TOX: variants seen among roughly 807,000 people sequenced by gnomAD.
TOX encodes thymocyte selection-associated high mobility group box protein TOX.
Under a neutral mutation model 53.7 loss-of-function variants are expected in TOX, and 11 were observed. The observed-to-expected ratio is 0.20, with a 90% CI of 0.13 to 0.34. The LOEUF (loss-of-function observed/expected upper bound fraction) is 0.34. Ranked by LOEUF, TOX falls within the 10% of genes least tolerant of loss-of-function variation. The pLI, the probability that TOX is intolerant of heterozygous loss-of-function variation, is 1.00. For synonymous variants in TOX, 225 were observed against 245.3 expected, an observed-to-expected ratio of 0.92 and a Z score of 0.77; for missense variants, 570 against 664.6, an observed-to-expected ratio of 0.86 and a Z score of 1.56.
chr8:58,921,306 T>G (rs1812071180), intron 3 of TOX, among the ~76,000 whole-genome samples: 1 of 152,218 alleles, frequency 6.6e-6, no homozygotes. Flanking sequence ...TCAAGTTACA[T>G]AAAAATCCAT....
chr8:58,810,758 A>G lies in TOX; in HGVS notation c.1393-2489T>C, dbSNP rs189619090. Among the ~76,000 whole-genome samples the G allele has an allele frequency of 1.1e-3, 174 of 152,290 alleles. 1 individual carries two copies. The highest frequency in any genetic ancestry group is 4.1e-3 in the African/African-American group (169 of 41,546). On this transcript the variant is annotated intron_variant, in intron 7 of 8. Transcript: ENST00000361421. ...TTGACTTAGTTGACAGCGTGGAAAC[A>G]TATGAAAAAGCAAAACACAAGCACA...
rs565596682 is a variant in TOX, at chr8:59,100,735, T to C, written c.102+18151A>G. Among the ~76,000 whole-genome samples, 4 of 152,314 alleles carry C rather than the reference T, an allele frequency of 2.6e-5. No homozygotes were observed. In the South Asian group the frequency reaches 6.2e-4, roughly 24 times the overall value. On this transcript the variant is annotated intron_variant, in intron 1 of 8. Transcript: ENST00000361421. ...ACAAAATGAACACGGATTATTTGACTATTCTAAAAATATCCTGAGCTTATG... is the reference window on the plus strand; with the variant it reads ...ACAAAATGAACACGGATTATTTGACCATTCTAAAAATATCCTGAGCTTATG...
chr8:58,951,741 C>T (rs1456812978), intron 2 of TOX, among the ~76,000 whole-genome samples: 1 of 152,120 alleles, frequency 6.6e-6, no homozygotes, highest in African/African-American at 2.4e-5. Context: ...CATCGGAACC[C>T]TTGGGAATTT....
intron 3 of TOX, among the ~76,000 whole-genome samples, chr8:58,865,827 C>CTTTTTTTTT (rs768072284): frequency 4.4e-5 from 4 of 91,304 alleles, no homozygotes; most frequent in Admixed American, 1.3e-4. Flanking sequence ...ATGACAGTGG[C>CTTTTTTTTT]TTTTTTTTTT....
chr8:58,807,693 A>G lies in TOX; in HGVS notation c.*54T>C. ...CTGCCTTGACTGTACAAAGCAATCCATGGTGAAAACACTTCCCTGAATTCC... is the reference window on the plus strand; with the variant it reads ...CTGCCTTGACTGTACAAAGCAATCCGTGGTGAAAACACTTCCCTGAATTCC... On this transcript the variant is annotated 3_prime_UTR_variant, in exon 9 of 9. Transcript: ENST00000361421. 15 of 1,602,648 alleles carry G rather than the reference A, an allele frequency of 9.4e-6. No individual in the cohort carries two copies. The highest frequency in any genetic ancestry group is 1.3e-5 in the Non-Finnish European group (15 of 1,169,748).
At chr8:58,929,817 T>G (rs1167328483) in intron 3 of TOX, among the ~76,000 whole-genome samples, 1 of 152,158 alleles carries the variant, frequency 6.6e-6, no homozygotes, top group Non-Finnish European at 1.5e-5. Context: ...CAATTTTTCA[T>G]ATTACTGCTA....
intron 3 of TOX, among the ~76,000 whole-genome samples, chr8:58,894,184 C>T (rs1011603413): frequency 1.1e-4 from 16 of 152,122 alleles, no homozygotes; most frequent in African/African-American, 3.1e-4. Context: ...GAAAAGTTGC[C>T]ATGCCATGCG....
chr8:59,073,546 G>A (rs905819595), intron 1 of TOX, among the ~76,000 whole-genome samples: 54 of 152,080 alleles, frequency 3.6e-4, no homozygotes, highest in African/African-American at 1.2e-3. Flanking sequence ...CATATAGTAG[G>A]AGACTTTTTT....
intron 1 of TOX, among the ~76,000 whole-genome samples, chr8:59,092,281 ATT>A (rs1804627398): frequency 1.8e-5 from 2 of 111,122 alleles, no homozygotes; most frequent in Non-Finnish European, 3.6e-5. Context: ...ATATATATAT[ATT>A]ATATATACAT....
At chr8:59,048,752 C>A (rs893732217) in intron 1 of TOX, among the ~76,000 whole-genome samples, 1 of 152,052 alleles carries the variant, frequency 6.6e-6, no homozygotes, top group Non-Finnish European at 1.5e-5. Context: ...TTGATACTGG[C>A]ATGCAATGCA....
At chr8:59,043,365 T>C (rs926753644) in intron 1 of TOX, among the ~76,000 whole-genome samples, 28 of 151,614 alleles carry the variant, frequency 1.8e-4, no homozygotes, top group African/African-American at 6.8e-4. Flanking sequence ...TATGTTTGAA[T>C]GTTTATTATT....
At chr8:58,883,720 C>G (rs1047562938) in intron 3 of TOX, among the ~76,000 whole-genome samples, 1 of 151,324 alleles carries the variant, frequency 6.6e-6, no homozygotes, top group Non-Finnish European at 1.5e-5. Flanking sequence ...ATTGTTCATT[C>G]GTATGTTTTT....
chr8:58,808,323 A>G, intron 7 of TOX, 54 bp from the exon 8 acceptor site: 1 of 1,560,666 alleles, frequency 6.4e-7, no homozygotes, highest in Non-Finnish European at 8.7e-7. Flanking sequence ...TTAAGAAGAA[A>G]AGCACCTAAA....
chr8:58,928,560 C>A (rs1238342879), intron 3 of TOX, among the ~76,000 whole-genome samples: 2 of 152,072 alleles, frequency 1.3e-5, no homozygotes, highest in African/African-American at 4.8e-5. Flanking sequence ...AAGTAGCATA[C>A]TTTTATTCTA....
At chr8:59,036,616 G>C (rs533179284) in intron 1 of TOX, among the ~76,000 whole-genome samples, 1 of 152,244 alleles carries the variant, frequency 6.6e-6, no homozygotes, top group African/African-American at 2.4e-5. Flanking sequence ...AATTATCCAT[G>C]AAAATACCAT....
intron 6 of TOX, among the ~76,000 whole-genome samples, chr8:58,818,653 C>G (rs992600922): frequency 6.6e-6 from 1 of 152,148 alleles, no homozygotes; most frequent in African/African-American, 2.4e-5. Context: ...CCACCATTGC[C>G]CTTGCTGACT....
chr8:59,103,203 T>C (rs907867886), intron 1 of TOX, among the ~76,000 whole-genome samples: 1 of 152,156 alleles, frequency 6.6e-6, no homozygotes, highest in African/African-American at 2.4e-5. Flanking sequence ...TAAGATAAAA[T>C]ACTTTGTCAA....
chr8:59,055,265 A>G (rs1038410484), intron 1 of TOX, among the ~76,000 whole-genome samples: 12 of 152,136 alleles, frequency 7.9e-5, no homozygotes, highest in African/African-American at 2.9e-4. Flanking sequence ...TAGGAACCCT[A>G]CCCATGGATC....
chr8:59,114,503 T>C (rs985606415), intron 1 of TOX, among the ~76,000 whole-genome samples: 2 of 152,186 alleles, frequency 1.3e-5, no homozygotes, highest in African/African-American at 4.8e-5. Context: ...TTAAAACATA[T>C]TTAACAACCT....
Sources: allele counts gnomAD v4.1 joint callset (sites outside exome capture counted in the v4.1 genomes callset), GRCh38; gene constraint gnomAD v4.1.1; transcripts MANE v1.5; gene names NCBI Gene and HGNC (gene_info 2026-07-23, HGNC 2026-07-21).